The following DCUN1D4 variants were observed in gnomAD, a reference collection of about 807,000 sequenced individuals.
The protein encoded by DCUN1D4 is defective in cullin neddylation 1 domain containing 4, also known as DCN1-like protein 4.
In DCUN1D4, 22 loss-of-function variants were observed where a neutral mutation model predicts 47.9. The ratio of observed to expected loss-of-function variants is 0.46; its 90% confidence interval spans 0.33 to 0.66. The LOEUF (loss-of-function observed/expected upper bound fraction) is 0.66, where lower values mean the gene tolerates loss of function less well. Ranked by LOEUF, DCUN1D4 falls within the 30% of genes least tolerant of loss-of-function variation. The pLI, the probability that DCUN1D4 is intolerant of heterozygous loss-of-function variation, is 0.02. For synonymous variants in DCUN1D4, 121 were observed against 112.2 expected (o/e 1.08, Z -0.50); for missense variants, 301 against 340.8 (o/e 0.88, Z 0.92).
intron 1 of DCUN1D4, chr4:51,844,357 G>A (rs1577804789): frequency 3.0e-6 from 3 of 985,004 alleles, no homozygotes; most frequent in South Asian, 4.7e-5. Context: ...AGTGCCCTAA[G>A]GTTGGAACTG....
intron 6 of DCUN1D4, among the ~76,000 whole-genome samples, chr4:51,887,555 G>C (rs1729704302): frequency 6.6e-6 from 1 of 152,110 alleles, no homozygotes; most frequent in Non-Finnish European, 1.5e-5. Flanking sequence ...GAAAAACTAT[G>C]CTTATACACA....
At chr4:51,887,677 C>G (rs1729719316) in intron 6 of DCUN1D4, among the ~76,000 whole-genome samples, 8 of 152,158 alleles carry the variant, frequency 5.3e-5, no homozygotes, top group Admixed American at 4.6e-4. Context: ...AGAGATCATT[C>G]TCTTCATTCA....
At chr4:51,877,954 G>T (rs752702956) in intron 5 of DCUN1D4, 100 bp downstream of exon 5, 4 of 731,038 alleles carry the variant, frequency 5.5e-6, no homozygotes, top group South Asian at 2.2e-5. Context: ...TTCAAATTTG[G>T]GTGTGTGTGT....
At chr4:51,874,430 G>A (rs200476334) in intron 4 of DCUN1D4, 45 bp downstream of exon 4, 9 of 1,434,284 alleles carry the variant, frequency 6.3e-6, no homozygotes, top group South Asian at 2.4e-5. Flanking sequence ...TACATATGTC[G>A]AAGATGCACA....
intron 7 of DCUN1D4, 61 bp from the exon 8 acceptor site, chr4:51,899,209 T>C: frequency 3.4e-6 from 5 of 1,489,098 alleles, no homozygotes; most frequent in Non-Finnish European, 4.5e-6. Flanking sequence ...TATTACTGCC[T>C]CTATTAAAAA....
chr4:51,869,011 G>A (rs565985076), intron 3 of DCUN1D4, among the ~76,000 whole-genome samples: 34 of 151,622 alleles, frequency 2.2e-4, no homozygotes, highest in Non-Finnish European at 4.4e-4. Flanking sequence ...TCAGCTACTC[G>A]GGAGGCTGAG....
intron 1 of DCUN1D4, chr4:51,843,729 C>T (rs1721981207): frequency 3.6e-6 from 4 of 1,114,818 alleles, no homozygotes; most frequent in Non-Finnish European, 4.3e-6. Flanking sequence ...CGGGCGGCTC[C>T]GTGAGAAAGG....
chr4:51,883,978 T>C (rs2110028795), intron 5 of DCUN1D4, among the ~76,000 whole-genome samples: 1 of 148,568 alleles, frequency 6.7e-6, no homozygotes, highest in Middle Eastern at 3.6e-3. Context: ...ACTAGGAATA[T>C]ATAAATATAT....
intron 8 of DCUN1D4, chr4:51,908,978 A>G (rs753635500): frequency 1.8e-5 from 8 of 456,164 alleles, no homozygotes; most frequent in South Asian, 3.1e-5. Context: ...GAGCAGGAGT[A>G]AGTGAGTGCT....
chr4:51,843,431 T>A, intron 1 of DCUN1D4, 164 bp downstream of exon 1: 1 of 1,207,432 alleles, frequency 8.3e-7, no homozygotes, highest in Admixed American at 4.4e-5. Context: ...GCGGTGACGC[T>A]GCGGGCGGCG....
chr4:51,911,146 T>C lies in DCUN1D4; in HGVS notation c.692T>C (p.Leu231Pro), dbSNP rs1303403673. The C allele has an allele frequency of 1.2e-6, 2 of 1,609,290 alleles. No homozygotes were observed. The highest frequency in any genetic ancestry group is 1.1e-5 in the South Asian group (1 of 90,092). Residue 231 changes from leucine (L) to proline (P), a missense_variant, in exon 9 of 11, where the codon CTT becomes CCT. Physicochemically the swap from Leu to Pro is moderately conservative, Grantham distance 98. Coordinates refer to ENST00000334635, the MANE Select transcript of DCUN1D4 (RefSeq NM_001040402.3). Reference sequence around the variant, plus strand: ...CTGTTATTAGGAAAAATCTGGCCCCTTTTTCCAGTTTTTCACCAATTCTTA... The same window carrying C: ...CTGTTATTAGGAAAAATCTGGCCCCCTTTTCCAGTTTTTCACCAATTCTTA... ...LGLLLGKIWPLFPVFHQFLEQ... is the reference protein window; with the variant it reads ...LGLLLGKIWPPFPVFHQFLEQ...
At chr4:51,877,969 G>T in intron 5 of DCUN1D4, 115 bp downstream of exon 5, 2 of 611,116 alleles carry the variant, frequency 3.3e-6, no homozygotes, top group Non-Finnish European at 5.3e-6. Context: ...GTGTGTGTGT[G>T]TGTCCCTGTT....
chr4:51,907,253 A>G (rs1381219988), intron 8 of DCUN1D4, among the ~76,000 whole-genome samples: 1 of 152,216 alleles, frequency 6.6e-6, no homozygotes, highest in Non-Finnish European at 1.5e-5. Context: ...AATTGAGCTT[A>G]ATTGATTGCC....
chr4:51,883,985 A>G (rs1047165275), intron 5 of DCUN1D4, among the ~76,000 whole-genome samples: 1 of 148,328 alleles, frequency 6.7e-6, no homozygotes, highest in Admixed American at 6.7e-5. Context: ...ATATATAAAT[A>G]TATATATTTA....
At chr4:51,841,396 C>T (rs1278597755), upstream of DCUN1D4, among the ~76,000 whole-genome samples, 2 of 152,140 alleles carry the variant, frequency 1.3e-5, no homozygotes, top group African/African-American at 4.8e-5. Context: ...GGCGGATATT[C>T]TTACTGCTAG....
rs749214785 is a variant in DCUN1D4, at chr4:51,911,195, GA to G, written c.720+24del. ...TAGAGGTACCAAATTGTTGTTTTAT[GA>G]AATGTATGTTTGCTTGCTTGGAACT... is the stretch of plus-strand genomic sequence containing the variant. On this transcript the variant is annotated intron_variant, in intron 9 of 10. Transcript: ENST00000334635. 4 of 1,590,032 alleles carry G rather than the reference GA, an allele frequency of 2.5e-6. No homozygotes were observed. In the Admixed American group the frequency reaches 6.9e-5, roughly 27 times the overall value.
At chr4:51,844,595 C>A (rs1722205789) in intron 1 of DCUN1D4, among the ~76,000 whole-genome samples, 1 of 151,814 alleles carries the variant, frequency 6.6e-6, no homozygotes, top group African/African-American at 2.4e-5. Flanking sequence ...TTCTGGCTAT[C>A]AGGTGTGGGG....
intron 1 of DCUN1D4, among the ~76,000 whole-genome samples, chr4:51,849,674 C>T (rs1577833902): frequency 6.6e-6 from 1 of 152,290 alleles, no homozygotes; most frequent in East Asian, 1.9e-4. Context: ...TCCCGAACCA[C>T]ACACTAGCCC....
chr4:51,867,778 G>A (rs967562734), intron 3 of DCUN1D4, among the ~76,000 whole-genome samples: 1 of 152,244 alleles, frequency 6.6e-6, no homozygotes, highest in Non-Finnish European at 1.5e-5. Flanking sequence ...TGGCAGCCCA[G>A]CCTCCAGGCC....
Sources: gnomAD v4.1 joint callset for allele counts (sites outside exome capture counted in the v4.1 genomes callset) on GRCh38, gnomAD v4.1.1 for gene constraint, MANE v1.5 for transcripts, NCBI Gene and HGNC (gene_info 2026-07-23, HGNC 2026-07-21) for gene names.